The following SORCS1 variants were observed in gnomAD, a reference collection of about 807,000 sequenced individuals.
The protein encoded by SORCS1 is sortilin related VPS10 domain containing receptor 1, also known as VPS10 domain-containing receptor SorCS1.
Under a neutral mutation model 146.1 loss-of-function variants are expected in SORCS1, and 60 were observed. The observed-to-expected ratio is 0.41, with a 90% CI of 0.33 to 0.51. SORCS1 has a LOEUF of 0.51. SORCS1 is among the 20% of genes least tolerant of loss of function. SORCS1 has a pLI of 0.21. For missense variants in SORCS1, 1,352 were observed against 1,487.6 expected, an observed-to-expected ratio of 0.91 and a Z score of 1.50; for synonymous variants, 637 against 584.0, an observed-to-expected ratio of 1.09 and a Z score of -1.31.
In SORCS1 at chr10:107,164,417, C is replaced by T; in HGVS notation, c.110G>A (p.Cys37Tyr). The change falls in exon 1 of 26, where the codon TGC (cysteine) becomes TAC (tyrosine). Residue 37 changes from cysteine to tyrosine, a missense_variant. Transcript: ENST00000263054. This position sits in a 1 kb window ranked among gnomAD's most constrained non-coding sequence, Gnocchi z 6.8. ...CAPGVCGGGSCCPSPHPSSAP... is the reference protein window; with the variant it reads ...CAPGVCGGGSYCPSPHPSSAP... ...GGAGCTGGGGTGCGGCGAGGGGCAGCAGGAGCCGCCGCCGCAGACGCCCGG... is the reference window on the plus strand; with the variant it reads ...GGAGCTGGGGTGCGGCGAGGGGCAGTAGGAGCCGCCGCCGCAGACGCCCGG... The T allele has an allele frequency of 7.1e-7, 1 of 1,412,634 alleles. No homozygotes were observed. The allele number at this position is 1,412,634 out of a possible 1,614,324, so 87.5% of individuals were successfully genotyped here.
chr10:106,791,984 C>A (rs923936588), intron 3 of SORCS1, among the ~76,000 whole-genome samples: 2 of 152,140 alleles, frequency 1.3e-5, no homozygotes, highest in Non-Finnish European at 2.9e-5. Flanking sequence ...GATACACAGA[C>A]TGGTCATATT....
chr10:107,048,425 C>T (rs1374151289), intron 1 of SORCS1, among the ~76,000 whole-genome samples: 1 of 152,108 alleles, frequency 6.6e-6, no homozygotes, highest in African/African-American at 2.4e-5. Flanking sequence ...ATCCTATACT[C>T]TACGTTTATT....
intron 1 of SORCS1, among the ~76,000 whole-genome samples, chr10:107,124,697 G>A (rs1464842094): frequency 1.3e-5 from 2 of 151,988 alleles, no homozygotes. Context: ...ATCAACTTGA[G>A]GACTCATGTA....
chr10:106,580,707 T>C (rs1844852262), intron 24 of SORCS1, among the ~76,000 whole-genome samples: 1 of 152,322 alleles, frequency 6.6e-6, no homozygotes, highest in Non-Finnish European at 1.5e-5. Context: ...TAAGTGACTA[T>C]AATACTGATG....
intron 4 of SORCS1, among the ~76,000 whole-genome samples, chr10:106,768,131 C>T (rs112943932): frequency 5.3e-5 from 8 of 152,250 alleles, no homozygotes; most frequent in African/African-American, 1.9e-4. Flanking sequence ...CTTGAGAATT[C>T]GTTTTATAAA....
intron 9 of SORCS1, among the ~76,000 whole-genome samples, chr10:106,690,657 T>A (rs188672851): frequency 2.8e-4 from 42 of 152,340 alleles, no homozygotes; most frequent in African/African-American, 9.1e-4. Flanking sequence ...GTAAAGGGAA[T>A]GTGTATCGAC....
chr10:106,728,859 C>T (rs1279759795), intron 6 of SORCS1, among the ~76,000 whole-genome samples: 1 of 152,180 alleles, frequency 6.6e-6, no homozygotes, highest in Non-Finnish European at 1.5e-5. Flanking sequence ...CCTACAACAG[C>T]CTCATTGCTC....
intron 4 of SORCS1, among the ~76,000 whole-genome samples, chr10:106,767,766 C>T (rs1859689059): frequency 6.6e-6 from 1 of 152,146 alleles, no homozygotes; most frequent in African/African-American, 2.4e-5. Context: ...GCTGAGATTA[C>T]AGGCATGAGC....
chr10:107,077,096 T>A (rs1590080701), intron 1 of SORCS1, among the ~76,000 whole-genome samples: 1 of 152,156 alleles, frequency 6.6e-6, no homozygotes, highest in Non-Finnish European at 1.5e-5. Flanking sequence ...TCTTCCTTCA[T>A]ACTTTCAGAC....
intron 2 of SORCS1, among the ~76,000 whole-genome samples, chr10:106,860,695 A>G (rs1473252052): frequency 6.6e-6 from 1 of 152,218 alleles, no homozygotes; most frequent in African/African-American, 2.4e-5. Flanking sequence ...GTCCATTTAA[A>G]TAGGGTACTA....
At chr10:106,873,871 A>C (rs1274655880) in intron 2 of SORCS1, among the ~76,000 whole-genome samples, 1 of 152,146 alleles carries the variant, frequency 6.6e-6, no homozygotes, top group Admixed American at 6.5e-5. Context: ...CCTTCCAAAA[A>C]GAGTCAGTGC....
chr10:107,044,100 C>CA (rs1166137769), intron 1 of SORCS1, among the ~76,000 whole-genome samples: 2 of 152,074 alleles, frequency 1.3e-5, no homozygotes, highest in East Asian at 1.9e-4. Flanking sequence ...CTGGAAACAA[C>CA]AAAAAAAGCC....
Position 107,116,967 on chromosome 10 carries a change from A to T in SORCS1, c.558+47002T>A, listed in dbSNP as rs1451332125. Among the ~76,000 whole-genome samples the T allele has an allele frequency of 2.6e-5, 4 of 152,208 alleles. No homozygotes were observed. In the East Asian group the frequency reaches 7.7e-4, roughly 29 times the overall value. Reference sequence around the variant, plus strand: ...ATAGAAACTATATACAAACCAATACACTAAAGAGTAACACAATTATTGTTG... The same window carrying T: ...ATAGAAACTATATACAAACCAATACTCTAAAGAGTAACACAATTATTGTTG... On this transcript the variant is annotated intron_variant, in intron 1 of 25. Coordinates refer to ENST00000263054, the MANE Select transcript of SORCS1 (RefSeq NM_052918.5).
At position 106,742,196 on chromosome 10, in the gene SORCS1, C is replaced by T. The variant is rs142313247; in HGVS notation, c.960-12082G>A. On this transcript the variant is annotated intron_variant, in intron 5 of 25. Transcript: ENST00000263054. ...GCGAAATGGCAACTGCTCTCCTTAG[C>T]AGAGGTTGAGTATCCCTTATCTGAA... Among the ~76,000 whole-genome samples the T allele has an allele frequency of 3.5e-3, 528 of 152,256 alleles. 9 individuals carry two copies. The highest frequency in any genetic ancestry group is 0.012 in the African/African-American group (509 of 41,548).
intron 2 of SORCS1, among the ~76,000 whole-genome samples, chr10:106,896,889 G>GTTTTGT (rs1951501729): frequency 1.7e-5 from 2 of 119,898 alleles, no homozygotes; most frequent in African/African-American, 6.7e-5. Context: ...ACCAAATACT[G>GTTTTGT]TTTTTTTTTT....
intron 1 of SORCS1, among the ~76,000 whole-genome samples, chr10:107,123,225 T>C (rs1306099713): frequency 6.6e-6 from 1 of 152,076 alleles, no homozygotes; most frequent in Non-Finnish European, 1.5e-5. Flanking sequence ...CAGTAAATAA[T>C]AAAATAATTG....
chr10:106,948,384 A>G (rs1190252493), intron 2 of SORCS1, among the ~76,000 whole-genome samples: 2 of 152,134 alleles, frequency 1.3e-5, no homozygotes, highest in African/African-American at 2.4e-5. Context: ...TTAGTAAAAT[A>G]AATGTAGGCA....
intron 2 of SORCS1, among the ~76,000 whole-genome samples, chr10:106,892,152 T>C (rs1951262109): frequency 6.6e-6 from 1 of 152,194 alleles, no homozygotes; most frequent in Admixed American, 6.5e-5. Flanking sequence ...AGATGTGAAA[T>C]TGAATGAAAT....
Position 106,621,045 on chromosome 10 carries a change from T to C in SORCS1, c.2663-484A>G, listed in dbSNP as rs570953039. 3.3e-5 allele frequency among the ~76,000 whole-genome samples: 5 copies of C among 152,326 alleles called. No individual in the cohort carries two copies. The East Asian group carries it at 5.8e-4, about 18-fold the overall frequency. Reference sequence around the variant, plus strand: ...AAGGTCTGTGTATGTGTGAATGTGTTCGTGCATGTGTCTGCAAAGCTGTCT... The same window carrying C: ...AAGGTCTGTGTATGTGTGAATGTGTCCGTGCATGTGTCTGCAAAGCTGTCT... On this transcript the variant is annotated intron_variant, in intron 19 of 25. Coordinates refer to ENST00000263054, the MANE Select transcript of SORCS1 (RefSeq NM_052918.5).
Sources: allele counts gnomAD v4.1 joint callset (sites outside exome capture counted in the v4.1 genomes callset), GRCh38; gene constraint gnomAD v4.1.1; non-coding constraint Gnocchi (gnomAD v3.1); transcripts MANE v1.5; gene names NCBI Gene and HGNC (gene_info 2026-07-23, HGNC 2026-07-21).